The following ASH2L variants were observed in gnomAD, a reference collection of about 807,000 sequenced individuals.
ASH2L encodes the protein set1/Ash2 histone methyltransferase complex subunit ASH2.
In ASH2L, 30 loss-of-function variants were observed where a neutral mutation model predicts 81.1. The ratio of observed to expected loss-of-function variants is 0.37; its 90% CI spans 0.28 to 0.50. The LOEUF (loss-of-function observed/expected upper bound fraction) is 0.50. Ranked by LOEUF, ASH2L falls within the 20% of genes least tolerant of loss-of-function variation. The pLI is 0.95. For synonymous variants in ASH2L, 273 were observed against 279.9 expected (o/e 0.98, Z 0.24); for missense variants, 559 against 792.1 (o/e 0.71, Z 3.53).
chr8:38,118,025 C>T (rs958464665), intron 8 of ASH2L, among the ~76,000 whole-genome samples: 2 of 152,220 alleles, frequency 1.3e-5, no homozygotes, highest in Non-Finnish European at 2.9e-5. Context: ...TGCCACTGCA[C>T]TCCAGCTTGG....
intron 13 of ASH2L, 28 bp downstream of exon 13, chr8:38,133,574 A>G: frequency 1.3e-6 from 2 of 1,516,790 alleles, no homozygotes; most frequent in Non-Finnish European, 1.8e-6. Flanking sequence ...GAACATTAGA[A>G]TCATAAGGCC....
At chr8:38,126,853 C>CAAAAGAAAAAA (rs1801867214) in intron 10 of ASH2L, among the ~76,000 whole-genome samples, 1 of 129,782 alleles carries the variant, frequency 7.7e-6, no homozygotes, top group African/African-American at 2.9e-5. Flanking sequence ...GACTCTGTCT[C>CAAAAGAAAAAA]AAAAAAGAAA....
At chr8:38,124,558 C>G (rs531603924) in intron 10 of ASH2L, 1 of 152,390 alleles carries the variant, frequency 6.6e-6, no homozygotes, top group East Asian at 1.9e-4. Context: ...CTCTGCCACC[C>G]AGGCTGGAGT....
chr8:38,108,275 A>C (rs892133782), intron 3 of ASH2L, among the ~76,000 whole-genome samples: 2 of 152,310 alleles, frequency 1.3e-5, no homozygotes, highest in South Asian at 2.1e-4. Flanking sequence ...TCTGCTGGGA[A>C]AACACACTAG....
chr8:38,105,777 G>A lies in ASH2L; in HGVS notation c.188+39G>A. 2.0e-6 allele frequency: 3 copies of A among 1,498,818 alleles called. No individual in the cohort carries two copies. The South Asian group carries it at 4.1e-5, about 20-fold the overall frequency. 92.8% of individuals were successfully genotyped at this position (1,498,818 alleles called of 1,614,324 possible). A position where few individuals can be genotyped will look rare whatever the true frequency, so the allele number is the denominator to read the frequency against. On this transcript the variant is annotated intron_variant, in intron 1 of 15. Coordinates refer to ENST00000343823, the MANE Select transcript of ASH2L (RefSeq NM_004674.5). ...CCGCCCGAGGAAGACGCGGGAGGGA[G>A]GCCCGCCCCTCGCGAATCCCGCGGC...
intron 3 of ASH2L, among the ~76,000 whole-genome samples, chr8:38,109,980 T>C (rs934646423): frequency 6.6e-6 from 1 of 152,200 alleles, no homozygotes; most frequent in African/African-American, 2.4e-5. Flanking sequence ...ATCCAGGTAT[T>C]TATAAAAATA....
rs1425250435 is a variant in ASH2L, at chr8:38,125,391, C to T, written c.1166-2900C>T. ...ATCCCAGCACTTTGGGAGGCTGAGG[C>T]GGGTGGATCACCTGAGGTCGAGAGT... On this transcript the variant is annotated intron_variant, in intron 10 of 15. Coordinates refer to ENST00000343823, the MANE Select transcript of ASH2L (RefSeq NM_004674.5). Among the ~76,000 whole-genome samples the T allele has an allele frequency of 7.3e-5, 11 of 151,436 alleles. No individual in the cohort carries two copies. In the South Asian group the frequency reaches 8.4e-4, roughly 12 times the overall value.
intron 5 of ASH2L, 65 bp downstream of exon 5, chr8:38,110,898 C>A: frequency 2.4e-6 from 3 of 1,268,476 alleles, no homozygotes; most frequent in Non-Finnish European, 3.4e-6. Flanking sequence ...TAAATATACT[C>A]CCTAACAAGT....
At position 38,118,420 on chromosome 8, in the gene ASH2L, C is replaced by G. The variant is rs910691951; in HGVS notation, c.854-850C>G. On this transcript the variant is annotated intron_variant, in intron 8 of 15. Coordinates refer to ENST00000343823, the MANE Select transcript of ASH2L (RefSeq NM_004674.5). ...GAACTGGACAAAAATTTCAAAGTAC[C>G]TATTTCAGAAATACACAAGGTAATC... Among the ~76,000 whole-genome samples the G allele has an allele frequency of 1.8e-4, 27 of 152,254 alleles. 1 individual carries two copies. Among genetic ancestry groups the G allele is most frequent in the Middle Eastern group, 3.4e-3 (1 of 294 alleles).
At chr8:38,111,089 C>T (rs561303880) in intron 5 of ASH2L, among the ~76,000 whole-genome samples, 8 of 152,266 alleles carry the variant, frequency 5.3e-5, no homozygotes, top group Admixed American at 4.6e-4. Context: ...CATGCGCCAC[C>T]ACGCCCAGCT....
rs1390139085 is a variant in ASH2L at position 38,116,673 on chromosome 8, T to A, written c.801T>A (p.Ala267=). The A allele has an allele frequency of 1.9e-6, 3 of 1,613,098 alleles. No homozygotes were observed. Among genetic ancestry groups the A allele is most frequent in the Non-Finnish European group, 2.5e-6 (3 of 1,179,848 alleles). Residue 267 remains alanine (A), a synonymous_variant, in exon 8 of 16, where the codon GCT becomes GCA. Coordinates refer to ENST00000343823, the MANE Select transcript of ASH2L (RefSeq NM_004674.5). ...AGGACCTTAGTAACATTGGTCCTGC[T>A]TATGACAACCAAAAACAGAGCAGTG... The part of the protein sequence containing the change: ...LDQDLSNIGP[A]YDNQKQSSAV...
At chr8:38,107,188 T>C (rs911857078) in intron 3 of ASH2L, 22 bp downstream of exon 3, 11 of 1,611,834 alleles carry the variant, frequency 6.8e-6, no homozygotes, top group East Asian at 2.2e-5. Flanking sequence ...TCATAGTTTT[T>C]GTGAGAATTG....
chr8:38,117,038 C>T (rs1018028777), intron 8 of ASH2L, among the ~76,000 whole-genome samples: 2 of 152,174 alleles, frequency 1.3e-5, no homozygotes, highest in African/African-American at 4.8e-5. Context: ...AGATTCATCT[C>T]CTCTCCACTC....
intron 10 of ASH2L, chr8:38,124,765 G>T (rs1801767202): frequency 6.6e-6 from 1 of 152,250 alleles, no homozygotes; most frequent in South Asian, 2.1e-4. Flanking sequence ...CATATGCAGA[G>T]GTAGAGAGAT....
intron 4 of ASH2L, 101 bp downstream of exon 4, chr8:38,110,568 T>TA (rs745870884): frequency 7.9e-6 from 10 of 1,265,386 alleles, no homozygotes; most frequent in African/African-American, 1.5e-5. Flanking sequence ...GTAGCTGGTA[T>TA]AAATTCAGTT....
chr8:38,131,300 A>G (rs545052751), intron 12 of ASH2L, among the ~76,000 whole-genome samples: 2 of 152,176 alleles, frequency 1.3e-5, no homozygotes, highest in South Asian at 4.1e-4. Flanking sequence ...AGGATTCTGT[A>G]GGTGTTTTTT....
chr8:38,106,934 T>C (rs1810460150), intron 2 of ASH2L, 87 bp from the exon 3 acceptor site: 4 of 1,515,474 alleles, frequency 2.6e-6, no homozygotes, highest in Non-Finnish European at 3.6e-6. Flanking sequence ...CTGGGCAACA[T>C]AGGGAGACCC....
chr8:38,136,102 AT>A lies in ASH2L; in HGVS notation c.1719+363del, dbSNP rs772313591. Among the ~76,000 whole-genome samples the A allele has an allele frequency of 8.3e-3, 810 of 97,838 alleles. 3 individuals are homozygous for A. Among genetic ancestry groups the A allele is most frequent in the African/African-American group, 0.019 (462 of 24,454 alleles). The allele number at this position is 97,838 out of a possible 152,430, so 64.2% of individuals were successfully genotyped here. A position where few individuals can be genotyped will look rare whatever the true frequency, so the allele number is the denominator to read the frequency against. ...TTATTAGTCATTGTTGCTTACAATG[AT>A]TTTTTTTTTTTTTTTTTTTTTTTTT... On this transcript the variant is annotated intron_variant, in intron 14 of 15. Coordinates refer to ENST00000343823, the MANE Select transcript of ASH2L (RefSeq NM_004674.5).
intron 9 of ASH2L, 103 bp downstream of exon 9, chr8:38,119,466 C>A: frequency 1.0e-6 from 1 of 1,003,818 alleles, no homozygotes; most frequent in Non-Finnish European, 1.4e-6. Flanking sequence ...GGTTAAAAAG[C>A]CTGTCCATTT....
Sources: allele counts gnomAD v4.1 joint callset (sites outside exome capture counted in the v4.1 genomes callset), GRCh38; gene constraint gnomAD v4.1.1; transcripts MANE v1.5; gene names NCBI Gene and HGNC (gene_info 2026-07-23, HGNC 2026-07-21).